WWC2: variants seen among roughly 807,000 people sequenced by gnomAD.
WWC2 encodes protein WWC2.
A neutral mutation model predicts 138.5 loss-of-function variants in WWC2; 101 were observed. The observed-to-expected ratio is 0.73, with a 90% CI of 0.62 to 0.86. The LOEUF is 0.86. Among genes scored for constraint, WWC2 ranks in the 40% least tolerant of loss-of-function variants. The pLI, the probability that WWC2 is intolerant of heterozygous loss-of-function variation, is 0.00. For missense variants in WWC2, 1,420 were observed against 1,419.4 expected, an observed-to-expected ratio of 1.00 and a Z score of -0.01; for synonymous variants, 558 against 538.4, an observed-to-expected ratio of 1.04 and a Z score of -0.50.
intron 9 of WWC2, among the ~76,000 whole-genome samples, chr4:183,256,344 A>G (rs1002425093): frequency 5.9e-5 from 9 of 152,212 alleles, no homozygotes; most frequent in African/African-American, 2.2e-4. Flanking sequence ...ACCTGCTGCC[A>G]TTGGGAACAC....
intron 21 of WWC2, among the ~76,000 whole-genome samples, chr4:183,299,314 A>G (rs2111096670): frequency 6.6e-6 from 1 of 152,212 alleles, no homozygotes; most frequent in South Asian, 2.1e-4. Flanking sequence ...TTTTGGGGGG[A>G]AAAACATTCA....
At chr4:183,159,957 A>G (rs1579998720) in intron 1 of WWC2, among the ~76,000 whole-genome samples, 1 of 152,144 alleles carries the variant, frequency 6.6e-6, no homozygotes, top group Non-Finnish European at 1.5e-5. Flanking sequence ...AGGTATTGGA[A>G]TGAAATAAGG....
intron 16 of WWC2, among the ~76,000 whole-genome samples, chr4:183,274,339 T>G (rs1394472420): frequency 6.6e-6 from 1 of 152,232 alleles, no homozygotes; most frequent in Non-Finnish European, 1.5e-5. Flanking sequence ...CAGTTCTAAG[T>G]CTTCTGATCC....
chr4:183,314,006 G>T (rs2111127061), intron 22 of WWC2, among the ~76,000 whole-genome samples: 1 of 152,182 alleles, frequency 6.6e-6, no homozygotes, highest in Middle Eastern at 3.4e-3. Context: ...GAAGAAGCGA[G>T]TGTTTTTGAA....
chr4:183,108,275 A>C (rs560830376), intron 1 of WWC2, among the ~76,000 whole-genome samples: 4 of 152,252 alleles, frequency 2.6e-5, no homozygotes, highest in South Asian at 4.2e-4. Context: ...CAGGGCACTA[A>C]GTCCTGCTGA....
intron 14 of WWC2, among the ~76,000 whole-genome samples, chr4:183,268,470 A>G (rs939329096): frequency 2.0e-5 from 3 of 152,208 alleles, no homozygotes; most frequent in Non-Finnish European, 4.4e-5. Context: ...TTTCTTAACA[A>G]TATGCTACTG....
intron 4 of WWC2, among the ~76,000 whole-genome samples, chr4:183,219,314 A>T (rs369381747): frequency 5.3e-4 from 81 of 152,290 alleles, no homozygotes; most frequent in African/African-American, 1.9e-3. Flanking sequence ...GGTAAGTCTT[A>T]ACATTTATAT....
At chr4:183,220,813 G>A (rs113352395) in intron 4 of WWC2, among the ~76,000 whole-genome samples, 22,961 of 149,928 alleles carry the variant, frequency 0.15, 3,186 homozygotes, top group African/African-American at 0.37. Context: ...CAGCCTGGGC[G>A]ACAGAGCGAG....
Position 183,261,242 on chromosome 4 carries a change from C to T in WWC2, c.1619C>T (p.Pro540Leu), listed in dbSNP as rs759174673. The change falls in exon 11 of 23, where the codon CCG (proline) becomes CTG (leucine). Residue 540 changes from proline (P) to leucine (L), a missense_variant. Physicochemically the swap from Pro to Leu is moderately conservative, Grantham distance 98. Transcript: ENST00000403733. ...TGHTPPLAEA[P>L]KSVASLSSRS... ...CACACTCCTCCACTGGCTGAGGCCC[C>T]GAAGTCTGTGGCCTCCCTGTCCTCG... 13 of 1,612,686 alleles carry T rather than the reference C, an allele frequency of 8.1e-6. No homozygotes were observed. Among genetic ancestry groups the T allele is most frequent in the South Asian group, 2.2e-5 (2 of 90,818 alleles).
intron 1 of WWC2, among the ~76,000 whole-genome samples, chr4:183,120,519 C>T (rs1310845220): frequency 1.3e-5 from 2 of 152,020 alleles, no homozygotes; most frequent in Non-Finnish European, 2.9e-5. Flanking sequence ...CTTTTTGGGT[C>T]ACTTGAAATG....
chr4:183,151,909 T>A (rs2111118357), intron 1 of WWC2, among the ~76,000 whole-genome samples: 1 of 152,346 alleles, frequency 6.6e-6, no homozygotes, highest in Non-Finnish European at 1.5e-5. Flanking sequence ...ATATCTGTCT[T>A]GGTACCAGTA....
chr4:183,238,138 G>A (rs552970375), intron 4 of WWC2, among the ~76,000 whole-genome samples: 1 of 152,286 alleles, frequency 6.6e-6, no homozygotes, highest in South Asian at 2.1e-4. Flanking sequence ...GGGCATCACG[G>A]AAATGAATGT....
In WWC2 at chr4:183,247,623, C is replaced by CTATATATACTA. The variant is rs1553971250; in HGVS notation, c.733-1085_733-1084insTACTATATATA. On this transcript the variant is annotated intron_variant, in intron 6 of 22. Coordinates refer to ENST00000403733, the MANE Select transcript of WWC2 (RefSeq NM_024949.6). ...ATATATGCTATATATACTATATATA[C>CTATATATACTA]TATATACTATATATACTATATATAC... 2.4e-4 allele frequency among the ~76,000 whole-genome samples: 31 copies of CTATATATACTA among 126,946 alleles called. 1 individual carries two copies. The highest frequency in any genetic ancestry group is 9.5e-4 in the African/African-American group (29 of 30,436). The allele number at this position is 126,946 out of a possible 152,430, so 83.3% of individuals were successfully genotyped here. A position where few individuals can be genotyped will look rare whatever the true frequency, so the allele number is the denominator to read the frequency against.
intron 2 of WWC2, among the ~76,000 whole-genome samples, chr4:183,207,407 G>T (rs1350025379): frequency 6.6e-6 from 1 of 152,176 alleles, no homozygotes; most frequent in African/African-American, 2.4e-5. Context: ...TACACACAAA[G>T]AAATGCATAG....
At position 183,169,408 on chromosome 4, in the gene WWC2, T is replaced by G. The variant is rs1437683161; in HGVS notation, c.132-24191T>G. ...CCTGCTAGATGAATTCTAAAAGAGC[T>G]GTAACACGGACTCAAAGCTTTTAAA... On this transcript the variant is annotated intron_variant, in intron 1 of 22. Transcript: ENST00000403733. Among the ~76,000 whole-genome samples the G allele has an allele frequency of 3.3e-5, 5 of 149,690 alleles. No homozygotes were observed. In the East Asian group the frequency reaches 9.9e-4, roughly 30 times the overall value.
intron 2 of WWC2, among the ~76,000 whole-genome samples, chr4:183,198,786 C>CT (rs1321047634): frequency 2.9e-4 from 4 of 13,756 alleles, no homozygotes; most frequent in African/African-American, 1.1e-3. Flanking sequence ...GACCTCGTCT[C>CT]TTTAAAAAAA....
intron 15 of WWC2, chr4:183,269,811 AT>A (rs368300472): frequency 5.9e-5 from 12 of 204,956 alleles, no homozygotes; most frequent in African/African-American, 2.7e-4. Flanking sequence ...GCAATATGAC[AT>A]TTAAATGCTA....
chr4:183,232,711 G>A (rs948096528), intron 4 of WWC2, among the ~76,000 whole-genome samples: 14 of 152,074 alleles, frequency 9.2e-5, no homozygotes, highest in Non-Finnish European at 1.6e-4. Flanking sequence ...GCAATGGTGC[G>A]ATCTTGGCTC....
intron 1 of WWC2, among the ~76,000 whole-genome samples, chr4:183,131,124 A>G (rs1442970001): frequency 2.5e-4 from 38 of 152,216 alleles, no homozygotes. Flanking sequence ...TTAATGAAGA[A>G]AAGTTACTCT....
Sources: gnomAD v4.1 joint callset for allele counts (sites outside exome capture counted in the v4.1 genomes callset) on GRCh38, gnomAD v4.1.1 for gene constraint, MANE v1.5 for transcripts, NCBI Gene and HGNC (gene_info 2026-07-23, HGNC 2026-07-21) for gene names.